PCDH11X: variants seen among roughly 807,000 people sequenced by gnomAD.
The protein encoded by PCDH11X is protocadherin 11 X-linked.
A neutral mutation model predicts 53.3 loss-of-function variants in PCDH11X; 18 were observed. That is an observed-to-expected ratio of 0.34 (90% CI 0.23 to 0.50). The LOEUF is 0.50. Among genes scored for constraint, PCDH11X ranks in the 20% least tolerant of loss-of-function variants. The pLI is 0.98. For synonymous variants in PCDH11X, 279 were observed against 393.3 expected (o/e 0.71, Z 3.44); for missense variants, 570 against 1,032.4 (o/e 0.55, Z 6.14).
intron 10 of PCDH11X, among the ~76,000 whole-genome samples, chrX:92,543,365 T>G (rs965025694): frequency 9.1e-6 from 1 of 109,885 alleles, no homozygotes; most frequent in Non-Finnish European, 1.9e-5. Context: ...CACTATATTT[T>G]ATTCATATCA....
intron 10 of PCDH11X, among the ~76,000 whole-genome samples, chrX:92,484,233 GTA>G (rs770513818): frequency 4.5e-5 from 4 of 88,496 alleles, no homozygotes; most frequent in Non-Finnish European, 6.4e-5. Flanking sequence ...ATGTATATAT[GTA>G]TATATGTATA....
In PCDH11X at chrX:92,279,333, C is replaced by T. The variant is rs557303849; in HGVS notation, c.3144+16190C>T. ...TTCTTGAAGTGCATCATGCTTCAAACGATGCATCTCTTTACTAACAAGACA... is the reference window on the plus strand; with the variant it reads ...TTCTTGAAGTGCATCATGCTTCAAATGATGCATCTCTTTACTAACAAGACA... On this transcript the variant is annotated intron_variant, in intron 8 of 10. Coordinates refer to ENST00000682573, the MANE Select transcript of PCDH11X (RefSeq NM_032968.5). 1.5e-4 allele frequency among the ~76,000 whole-genome samples: 17 copies of T among 112,124 alleles called. No individual in the cohort carries two copies. In the South Asian group the frequency reaches 3.0e-3, roughly 19 times the overall value.
Position 91,876,915 on chromosome X carries a change from C to A in PCDH11X, c.675C>A (p.Gly225=), listed in dbSNP as rs1569422327. The change falls in exon 6 of 11, where the codon GGC becomes GGA. Residue 225 remains glycine (G), a synonymous_variant. Coordinates refer to ENST00000682573, the MANE Select transcript of PCDH11X (RefSeq NM_032968.5). ...YVMKVKVEDG[G]FPQRSSTAIL... ...TGAAAGTAAAGGTTGAAGATGGTGGCTTTCCTCAAAGATCCAGTACTGCTA... is the reference window on the plus strand; with the variant it reads ...TGAAAGTAAAGGTTGAAGATGGTGGATTTCCTCAAAGATCCAGTACTGCTA... 8.3e-7 allele frequency: 1 copy of A among 1,208,503 alleles called. No individual in the cohort carries two copies. The highest frequency in any genetic ancestry group is 3.0e-5 in the East Asian group (1 of 33,717).
At chrX:92,183,741 G>A (rs776950542) in intron 6 of PCDH11X, among the ~76,000 whole-genome samples, 15 of 111,931 alleles carry the variant, frequency 1.3e-4, no homozygotes, top group East Asian at 2.8e-4. Context: ...TGGCTTCCTC[G>A]TTATTCAGCA....
chrX:91,780,492 A>G (rs1198477631), intron 1 of PCDH11X, among the ~76,000 whole-genome samples: 2 of 112,519 alleles, frequency 1.8e-5, no homozygotes, highest in African/African-American at 6.5e-5. Flanking sequence ...CCAGACATAA[A>G]AGGGTTCCTC....
intron 6 of PCDH11X, among the ~76,000 whole-genome samples, chrX:91,903,936 G>A (rs5942091): frequency 0.47 from 50,265 of 107,656 alleles, 8,674 homozygotes; most frequent in East Asian, 0.66. Flanking sequence ...TTTCTACAAC[G>A]ACTCCAAAAT....
chrX:92,121,981 GTTTTTTT>G (rs746833949), intron 6 of PCDH11X, among the ~76,000 whole-genome samples: 3 of 69,450 alleles, frequency 4.3e-5, no homozygotes, highest in Non-Finnish European at 8.3e-5. Context: ...AGTCATTTCT[GTTTTTTT>G]TTTTTTTTTT....
intron 8 of PCDH11X, among the ~76,000 whole-genome samples, chrX:92,318,818 T>A (rs2069136591): frequency 9.0e-6 from 1 of 111,585 alleles, no homozygotes; most frequent in Admixed American, 9.5e-5. Context: ...TTTGTATCAA[T>A]CTTACTGATC....
At chrX:92,335,814 G>A (rs755714253) in intron 8 of PCDH11X, among the ~76,000 whole-genome samples, 2 of 111,882 alleles carry the variant, frequency 1.8e-5, no homozygotes, top group East Asian at 5.6e-4. Flanking sequence ...ACATGTACGT[G>A]TGTAGATAGA....
intron 6 of PCDH11X, among the ~76,000 whole-genome samples, chrX:91,925,678 T>A (rs1281048997): frequency 1.8e-5 from 2 of 110,767 alleles, no homozygotes; most frequent in East Asian, 5.7e-4. Context: ...CAGTGAATAG[T>A]TTACCATTAA....
intron 10 of PCDH11X, among the ~76,000 whole-genome samples, chrX:92,475,700 A>G (rs1350297148): frequency 9.0e-6 from 1 of 111,417 alleles, no homozygotes. Context: ...TGGGCTTCTT[A>G]TACTTGGATA....
At chrX:91,976,121 G>C (rs1232305879) in intron 6 of PCDH11X, among the ~76,000 whole-genome samples, 2 of 111,323 alleles carry the variant, frequency 1.8e-5, no homozygotes, top group African/African-American at 3.3e-5. Flanking sequence ...GGTGCGATCA[G>C]GGCTCACTGT....
At chrX:92,018,563 A>T in intron 6 of PCDH11X, among the ~76,000 whole-genome samples, 1 of 112,225 alleles carries the variant, frequency 8.9e-6, no homozygotes, top group Non-Finnish European at 1.9e-5. Flanking sequence ...CAGGACAGCT[A>T]TCTGGAAATT....
At position 92,083,664 on chromosome X, in the gene PCDH11X, G is replaced by C. The variant is rs768603102; in HGVS notation, c.3034-117711G>C. On this transcript the variant is annotated intron_variant, in intron 6 of 10. Coordinates refer to ENST00000682573, the MANE Select transcript of PCDH11X (RefSeq NM_032968.5). ...GAGTTCAAAAGACCTCTAAAAATGTGTTTTACCATCATTTTGGGTTGTGTT... is the reference window on the plus strand; with the variant it reads ...GAGTTCAAAAGACCTCTAAAAATGTCTTTTACCATCATTTTGGGTTGTGTT... Among the ~76,000 whole-genome samples the C allele has an allele frequency of 3.6e-5, 4 of 111,502 alleles. No individual in the cohort carries two copies. In the South Asian group the frequency reaches 1.5e-3, roughly 42 times the overall value.
intron 8 of PCDH11X, among the ~76,000 whole-genome samples, chrX:92,335,420 C>T (rs1056022802): frequency 9.2e-6 from 1 of 108,456 alleles, no homozygotes; most frequent in Admixed American, 1.0e-4. Context: ...GTAATGTGCT[C>T]TAGGCTTTCA....
intron 5 of PCDH11X, among the ~76,000 whole-genome samples, chrX:91,849,203 A>G (rs889002070): frequency 1.8e-5 from 2 of 111,895 alleles, no homozygotes; most frequent in Non-Finnish European, 3.8e-5. Context: ...TCCACATTCA[A>G]TTTTAGAGTA....
intron 10 of PCDH11X, among the ~76,000 whole-genome samples, chrX:92,569,169 G>A (rs2148771508): frequency 9.2e-6 from 1 of 108,577 alleles, no homozygotes; most frequent in South Asian, 4.0e-4. Context: ...TGAGCCATGG[G>A]CAATGACTTA....
intron 8 of PCDH11X, among the ~76,000 whole-genome samples, chrX:92,277,408 A>C (rs1460280796): frequency 1.8e-5 from 2 of 111,261 alleles, no homozygotes; most frequent in Admixed American, 9.6e-5. Flanking sequence ...GAAGAAAATA[A>C]GACATTTAGG....
chrX:92,017,886 A>C (rs1453912783), intron 6 of PCDH11X, among the ~76,000 whole-genome samples: 33 of 106,584 alleles, frequency 3.1e-4, no homozygotes, highest in Non-Finnish European at 4.4e-4. Flanking sequence ...AAAAAGCAAT[A>C]TCTATGAAGC....
Sources: gnomAD v4.1 joint callset for allele counts (sites outside exome capture counted in the v4.1 genomes callset) on GRCh38, gnomAD v4.1.1 for gene constraint, MANE v1.5 for transcripts, NCBI Gene and HGNC (gene_info 2026-07-23, HGNC 2026-07-21) for gene names.